Variants in KCNQ5 observed in about 807,000 individuals in gnomAD.
KCNQ5 encodes the protein potassium voltage-gated channel subfamily Q member 5.
Under a neutral mutation model 98.2 loss-of-function variants are expected in KCNQ5, and 30 were observed. The ratio of observed to expected loss-of-function variants is 0.31; its 90% CI spans 0.23 to 0.41. KCNQ5 has a LOEUF of 0.41. KCNQ5 is among the 10% of genes least tolerant of loss of function. KCNQ5 has a pLI of 1.00. For missense variants in KCNQ5, 835 were observed against 1,182.5 expected, an observed-to-expected ratio of 0.71 and a Z score of 4.31; for synonymous variants, 458 against 449.4, an observed-to-expected ratio of 1.02 and a Z score of -0.24.
At chr6:72,821,366 G>T (rs924604626) in intron 1 of KCNQ5, among the ~76,000 whole-genome samples, 9 of 152,176 alleles carry the variant, frequency 5.9e-5, no homozygotes, top group Admixed American at 5.9e-4. Context: ...TCTCTAACAT[G>T]TGGACACTTA....
chr6:72,999,025 T>C (rs2150318117), intron 1 of KCNQ5, among the ~76,000 whole-genome samples: 1 of 152,324 alleles, frequency 6.6e-6, no homozygotes, highest in South Asian at 2.1e-4. Flanking sequence ...GGATTGTGTG[T>C]TTGTGTGAAT....
At chr6:72,769,863 G>T (rs1772767066) in intron 1 of KCNQ5, among the ~76,000 whole-genome samples, 1 of 152,092 alleles carries the variant, frequency 6.6e-6, no homozygotes, top group Non-Finnish European at 1.5e-5. Context: ...GAGATGCAAA[G>T]AACTCAACAG....
intron 1 of KCNQ5, among the ~76,000 whole-genome samples, chr6:72,853,164 G>A (rs561457678): frequency 2.6e-5 from 4 of 152,176 alleles, no homozygotes; most frequent in South Asian, 4.2e-4. Flanking sequence ...TAGTCAAAGC[G>A]AAGAAAGTAC....
intron 3 of KCNQ5, among the ~76,000 whole-genome samples, chr6:73,070,975 A>G (rs913573515): frequency 3.3e-5 from 5 of 152,200 alleles, no homozygotes; most frequent in African/African-American, 1.2e-4. Flanking sequence ...ATAGGAAAAT[A>G]TTTTTATAAT....
At chr6:72,924,351 A>T (rs969258180) in intron 1 of KCNQ5, among the ~76,000 whole-genome samples, 1 of 152,226 alleles carries the variant, frequency 6.6e-6, no homozygotes, top group African/African-American at 2.4e-5. Flanking sequence ...AACAGAAATT[A>T]ATATTGGAAC....
chr6:72,658,141 C>T (rs117233848), intron 1 of KCNQ5, among the ~76,000 whole-genome samples: 4,078 of 152,152 alleles, frequency 0.027, 74 homozygotes, highest in Non-Finnish European at 0.04. Flanking sequence ...TCCAAAATGT[C>T]TGTTTTGAGA....
intron 1 of KCNQ5, among the ~76,000 whole-genome samples, chr6:72,727,184 C>T (rs1770327755): frequency 6.6e-6 from 1 of 152,226 alleles, no homozygotes; most frequent in South Asian, 2.1e-4. Flanking sequence ...TCAATATGAC[C>T]TGCCATGGGG....
chr6:72,885,163 T>C (rs1778801956), intron 1 of KCNQ5, among the ~76,000 whole-genome samples: 1 of 152,250 alleles, frequency 6.6e-6, no homozygotes, highest in African/African-American at 2.4e-5. Flanking sequence ...GCTTGTATTA[T>C]TTTTAATTTG....
At chr6:72,829,206 C>G (rs1192175688) in intron 1 of KCNQ5, among the ~76,000 whole-genome samples, 1 of 152,020 alleles carries the variant, frequency 6.6e-6, no homozygotes, top group Non-Finnish European at 1.5e-5. Flanking sequence ...GCAGCAGGAC[C>G]GCTTATGGAG....
intron 5 of KCNQ5, among the ~76,000 whole-genome samples, chr6:73,097,141 T>TCATATATATATATATATA (rs1582350311): frequency 4.5e-5 from 1 of 22,042 alleles, no homozygotes; most frequent in Non-Finnish European, 2.9e-4. Flanking sequence ...GCAATAGATC[T>TCATATATATATATATATA]CATATATATA....
chr6:73,014,474 T>C (rs534409653), intron 2 of KCNQ5, among the ~76,000 whole-genome samples: 2 of 152,194 alleles, frequency 1.3e-5, no homozygotes, highest in African/African-American at 4.8e-5. Flanking sequence ...GACTCCAAAC[T>C]ACAAATGGAT....
intron 5 of KCNQ5, among the ~76,000 whole-genome samples, chr6:73,096,477 A>G (rs985999717): frequency 3.3e-5 from 5 of 152,096 alleles, no homozygotes; most frequent in Non-Finnish European, 7.4e-5. Flanking sequence ...CAGGCCATGG[A>G]GGAGCTGGGA....
intron 3 of KCNQ5, among the ~76,000 whole-genome samples, chr6:73,075,506 CCA>C (rs1214494655): frequency 6.6e-6 from 1 of 152,166 alleles, no homozygotes; most frequent in Non-Finnish European, 1.5e-5. Context: ...CAAGTGTGAG[CCA>C]CTGCGCCCAG....
At position 73,120,593 on chromosome 6, in the gene KCNQ5, A is replaced by G; in HGVS notation, c.1220+16A>G. 6.5e-7 allele frequency: 1 copy of G among 1,540,136 alleles called. No homozygotes were observed. ...GCCCTACCAAGTAGGTATCAGTGTGACAGCTGCCACTGTAGTTGAGTCTTT... is the reference window on the plus strand; with the variant it reads ...GCCCTACCAAGTAGGTATCAGTGTGGCAGCTGCCACTGTAGTTGAGTCTTT... On this transcript the variant is annotated intron_variant, in intron 8 of 13. Transcript: ENST00000370398.
intron 1 of KCNQ5, among the ~76,000 whole-genome samples, chr6:72,781,433 A>G (rs1211119119): frequency 1.3e-5 from 2 of 151,946 alleles, no homozygotes; most frequent in Non-Finnish European, 2.9e-5. Flanking sequence ...AAACTAATAC[A>G]CCTTTCTTGT....
chr6:72,777,868 C>G (rs930467377), intron 1 of KCNQ5, among the ~76,000 whole-genome samples: 1 of 152,066 alleles, frequency 6.6e-6, no homozygotes, highest in African/African-American at 2.4e-5. Flanking sequence ...ATTGTGCTGC[C>G]TATAAAAGAG....
At chr6:72,819,601 G>A (rs1467615418) in intron 1 of KCNQ5, among the ~76,000 whole-genome samples, 1 of 152,160 alleles carries the variant, frequency 6.6e-6, no homozygotes, top group Non-Finnish European at 1.5e-5. Context: ...GTGAATGGTT[G>A]GTAAAACTGT....
chr6:72,765,559 C>CA (rs1287707685), intron 1 of KCNQ5, among the ~76,000 whole-genome samples: 1 of 151,836 alleles, frequency 6.6e-6, no homozygotes, highest in Non-Finnish European at 1.5e-5. Flanking sequence ...CAGATATTAT[C>CA]AAAAAAGGTC....
intron 1 of KCNQ5, among the ~76,000 whole-genome samples, chr6:72,828,375 A>G (rs60738138): frequency 0.26 from 40,185 of 151,924 alleles, 6,228 homozygotes; most frequent in African/African-American, 0.43. Context: ...GGATCTTTCC[A>G]TTTGTTTGTA....
Sources: gnomAD v4.1 joint callset for allele counts (sites outside exome capture counted in the v4.1 genomes callset) on GRCh38, gnomAD v4.1.1 for gene constraint, MANE v1.5 for transcripts, NCBI Gene and HGNC (gene_info 2026-07-23, HGNC 2026-07-21) for gene names.